The following SCMH1 variants were observed in gnomAD, a reference collection of about 807,000 sequenced individuals.
SCMH1 encodes Scm polycomb group protein homolog 1, also known as polycomb protein SCMH1.
SCMH1 carries 37 observed loss-of-function variants against 70.8 expected under a neutral mutation model. The ratio of observed to expected loss-of-function variants is 0.52; its 90% CI spans 0.40 to 0.69. The LOEUF is 0.69. Ranked by LOEUF, SCMH1 falls within the 30% of genes least tolerant of loss-of-function variation. The pLI is 0.00. For missense variants in SCMH1, 607 were observed against 827.3 expected (o/e 0.73, Z 3.27); for synonymous variants, 292 against 307.4 (o/e 0.95, Z 0.52).
chr1:41,129,118 A>G (rs1673956994), intron 6 of SCMH1, among the ~76,000 whole-genome samples: 1 of 152,014 alleles, frequency 6.6e-6, no homozygotes, highest in Non-Finnish European at 1.5e-5. Context: ...TAATTCTATA[A>G]TCTGTGTTAT....
At position 41,058,540 on chromosome 1, in the gene SCMH1, C is replaced by T. The variant is rs546750547; in HGVS notation, c.1106-9650G>A. ...GGACTACAGGTGCATGCCACCACAC[C>T]TGGCTAATTCTTTGTATATTTAGTA... On this transcript the variant is annotated intron_variant, in intron 10 of 14. Coordinates refer to ENST00000337495, the Ensembl canonical transcript of SCMH1. 2.6e-5 allele frequency among the ~76,000 whole-genome samples: 4 copies of T among 152,114 alleles called. 1 individual carries two copies. The South Asian group carries it at 8.3e-4, about 32-fold the overall frequency.
chr1:41,143,617 T>C (rs1321636844), intron 5 of SCMH1, among the ~76,000 whole-genome samples: 3 of 152,150 alleles, frequency 2.0e-5, no homozygotes, highest in African/African-American at 7.2e-5. Context: ...CTTTAGTAAG[T>C]CTTGACATAT....
At chr1:41,045,292 A>G (rs1447634067) in intron 12 of SCMH1, among the ~76,000 whole-genome samples, 4 of 152,206 alleles carry the variant, frequency 2.6e-5, no homozygotes, top group African/African-American at 9.7e-5. Context: ...CCAGGGGATC[A>G]TAGAAATGGC....
chr1:41,028,667 A>G, exon 14 of SCMH1: 2 of 1,614,102 alleles, frequency 1.2e-6, no homozygotes, highest in Non-Finnish European at 1.7e-6. Context: ...ACTGTCCATG[A>G]GGAGGGGTCC....
At chr1:41,119,178 G>A (rs1671274049) in intron 6 of SCMH1, among the ~76,000 whole-genome samples, 2 of 151,942 alleles carry the variant, frequency 1.3e-5, no homozygotes, top group Admixed American at 6.6e-5. Context: ...TTCAGCTTTT[G>A]GAAAAAAGTA....
intron 2 of SCMH1, chr1:41,185,906 TGAGCCACC>T: frequency 2.7e-6 from 1 of 365,768 alleles, no homozygotes; most frequent in Non-Finnish European, 5.0e-6. Context: ...ATTACAGGCA[TGAGCCACC>T]GAGAAATATT....
At chr1:41,223,632 T>C (rs1260169088) in intron 1 of SCMH1, among the ~76,000 whole-genome samples, 1 of 152,172 alleles carries the variant, frequency 6.6e-6, no homozygotes, top group Non-Finnish European at 1.5e-5. Context: ...GGAAAAGGCC[T>C]AGGTTTAATC....
At chr1:41,152,167 C>A (rs570568623) in intron 4 of SCMH1, among the ~76,000 whole-genome samples, 1 of 151,986 alleles carries the variant, frequency 6.6e-6, no homozygotes, top group African/African-American at 2.4e-5. Flanking sequence ...AGACAAGGGG[C>A]GAGATGATTT....
chr1:41,217,429 C>T (rs1403291536), intron 1 of SCMH1, among the ~76,000 whole-genome samples: 1 of 152,170 alleles, frequency 6.6e-6, no homozygotes, highest in African/African-American at 2.4e-5. Context: ...AAAGGAACAG[C>T]ACTTGGTAAT....
intron 8 of SCMH1, among the ~76,000 whole-genome samples, chr1:41,099,849 G>A (rs1666095780): frequency 6.6e-6 from 1 of 152,208 alleles, no homozygotes; most frequent in Non-Finnish European, 1.5e-5. Context: ...TTAGGACCTT[G>A]TATGGGCTTG....
intron 1 of SCMH1, among the ~76,000 whole-genome samples, chr1:41,190,366 G>T (rs1298406844): frequency 6.6e-6 from 1 of 152,212 alleles, no homozygotes; most frequent in Non-Finnish European, 1.5e-5. Flanking sequence ...ATTAGAACCA[G>T]TGGGTGGAAG....
intron 1 of SCMH1, among the ~76,000 whole-genome samples, chr1:41,190,808 C>T (rs1651531736): frequency 6.6e-6 from 1 of 152,188 alleles, no homozygotes. Context: ...TCTTCTGCGT[C>T]TCCATCTACC....
intron 8 of SCMH1, among the ~76,000 whole-genome samples, chr1:41,082,322 C>T (rs1356457603): frequency 1.3e-5 from 2 of 152,108 alleles, no homozygotes; most frequent in East Asian, 1.9e-4. Context: ...AGAGAAAGGT[C>T]GGGTTACCCA....
At chr1:41,117,450 G>A (rs972314267) in intron 6 of SCMH1, among the ~76,000 whole-genome samples, 3 of 150,954 alleles carry the variant, frequency 2.0e-5, no homozygotes, top group South Asian at 4.1e-4. Flanking sequence ...TAGTGGTAGC[G>A]TCAGTGTCAA....
chr1:41,074,564 A>C (rs1352427772), intron 9 of SCMH1, among the ~76,000 whole-genome samples: 1 of 152,126 alleles, frequency 6.6e-6, no homozygotes, highest in Non-Finnish European at 1.5e-5. Flanking sequence ...AAAAAAAAAC[A>C]TTTACAGAGT....
At chr1:41,168,511 G>A (rs534912414) in intron 2 of SCMH1, among the ~76,000 whole-genome samples, 19 of 151,146 alleles carry the variant, frequency 1.3e-4, no homozygotes, top group Non-Finnish European at 1.6e-4. Context: ...CTATCTCTTT[G>A]TCAAAGTTCT....
intron 6 of SCMH1, among the ~76,000 whole-genome samples, chr1:41,119,356 A>G (rs982078587): frequency 1.3e-5 from 2 of 151,970 alleles, no homozygotes; most frequent in Non-Finnish European, 1.5e-5. Flanking sequence ...CCATATCAAC[A>G]GCAATGTGGA....
intron 1 of SCMH1, among the ~76,000 whole-genome samples, chr1:41,218,002 G>T (rs745434135): frequency 6.6e-6 from 1 of 152,140 alleles, no homozygotes; most frequent in Admixed American, 6.6e-5. Context: ...TGTTTTCTAG[G>T]CTTCAAAGCA....
At chr1:41,031,386 G>C (rs1419773693) in intron 13 of SCMH1, among the ~76,000 whole-genome samples, 1 of 151,708 alleles carries the variant, frequency 6.6e-6, no homozygotes, top group African/African-American at 2.4e-5. Flanking sequence ...AACTCTCTCC[G>C]GCAAAGGCTA....
Sources: gnomAD v4.1 joint callset for allele counts (sites outside exome capture counted in the v4.1 genomes callset) on GRCh38, gnomAD v4.1.1 for gene constraint, MANE v1.5 for transcripts, NCBI Gene and HGNC (gene_info 2026-07-23, HGNC 2026-07-21) for gene names.